The following GLI3 variants were observed in gnomAD, a reference collection of about 807,000 sequenced individuals.
GLI3 encodes GLI family zinc finger 3.
GLI3 carries 20 observed loss-of-function variants against 100.8 expected under a neutral mutation model. The ratio of observed to expected loss-of-function variants is 0.20; its 90% CI spans 0.14 to 0.29. The LOEUF is 0.29. GLI3 is among the 10% of genes least tolerant of loss of function. GLI3 has a pLI of 1.00. For synonymous variants in GLI3, 938 were observed against 860.5 expected (o/e 1.09, Z -1.58); for missense variants, 2,040 against 2,128.5 (o/e 0.96, Z 0.82).
At chr7:42,225,030 C>A (rs1788557106) in intron 1 of GLI3, among the ~76,000 whole-genome samples, 1 of 152,330 alleles carries the variant, frequency 6.6e-6, no homozygotes, top group Middle Eastern at 3.4e-3. Flanking sequence ...TTCCAAGAAT[C>A]TGGACAGAGA....
At chr7:42,070,705 A>G (rs1784767512) in intron 4 of GLI3, among the ~76,000 whole-genome samples, 1 of 152,178 alleles carries the variant, frequency 6.6e-6, no homozygotes, top group Non-Finnish European at 1.5e-5. Context: ...ATGATTATAT[A>G]CTTTTTCATC....
chr7:42,232,260 C>T (rs372857337), intron 1 of GLI3, among the ~76,000 whole-genome samples: 4 of 152,226 alleles, frequency 2.6e-5, no homozygotes, highest in Admixed American at 6.5e-5. Context: ...CCAACACGGC[C>T]CTTAAGAAAG....
At chr7:42,190,605 A>G (rs903822055) in intron 2 of GLI3, among the ~76,000 whole-genome samples, 1 of 152,158 alleles carries the variant, frequency 6.6e-6, no homozygotes, top group Non-Finnish European at 1.5e-5. Context: ...TTATTCAAAC[A>G]CTCAAGGGGC....
At chr7:42,049,145 AAGAAC>A (rs1171501242) in intron 4 of GLI3, among the ~76,000 whole-genome samples, 2 of 152,244 alleles carry the variant, frequency 1.3e-5, no homozygotes, top group Non-Finnish European at 2.9e-5. Flanking sequence ...AGGGAAAGAA[AAGAAC>A]AGAACAGAAC....
At chr7:42,060,997 T>A (rs1784557704) in intron 4 of GLI3, among the ~76,000 whole-genome samples, 1 of 152,190 alleles carries the variant, frequency 6.6e-6, no homozygotes, top group Non-Finnish European at 1.5e-5. Context: ...CATGTTTGTA[T>A]CATTTACATG....
Position 41,967,703 on chromosome 7 carries a change from A to C in GLI3, c.2324T>G (p.Met775Arg), listed in dbSNP as rs2128706978. Residue 775 changes from methionine (M) to arginine (R), a missense_variant, in exon 14 of 15, where the codon ATG (methionine) becomes AGG (arginine). Met to Arg is a moderately conservative substitution (Grantham distance 91, BLOSUM62 -1). Around this residue, in one of 5 missense-constraint regions of GLI3, gnomAD observed 327 missense variants for 338.7 expected, o/e 0.97. Transcript: ENST00000395925. ...TAGCCTTTCTAGTTTTACGTGCTCC[A>C]TCCATTTGGTCCCTGCCGGGTTTCT... ...ARRNPAGTKW[M>R]EHVKLERLKQ... 1 of 1,614,188 alleles carries C rather than the reference A, an allele frequency of 6.2e-7. No individual in the cohort carries two copies. Among genetic ancestry groups the C allele is most frequent in the Non-Finnish European group, 8.5e-7 (1 of 1,180,036 alleles).
rs1372725860 is a variant in GLI3, at chr7:42,138,642, C to A, written c.367+9584G>T. Among the ~76,000 whole-genome samples the A allele has an allele frequency of 2.6e-5, 4 of 152,204 alleles. No individual in the cohort carries two copies. The East Asian group carries it at 7.7e-4, about 29-fold the overall frequency. On this transcript the variant is annotated intron_variant, in intron 3 of 14. Transcript: ENST00000395925. Reference sequence around the variant, plus strand: ...GGGGAAGGGAAAGGAAATGTGAAATCTTGCCCCATTTGAAAACAGGCTTAT... The same window carrying A: ...GGGGAAGGGAAAGGAAATGTGAAATATTGCCCCATTTGAAAACAGGCTTAT...
At chr7:42,225,356 T>C (rs1420131271) in intron 1 of GLI3, among the ~76,000 whole-genome samples, 3 of 152,142 alleles carry the variant, frequency 2.0e-5, no homozygotes, top group African/African-American at 7.2e-5. Context: ...TTTGTTTTTG[T>C]TTTTTCGGTT....
At chr7:42,103,005 G>T (rs1210594272) in intron 3 of GLI3, among the ~76,000 whole-genome samples, 1 of 152,202 alleles carries the variant, frequency 6.6e-6, no homozygotes, top group African/African-American at 2.4e-5. Context: ...TGAAAATAGT[G>T]AACATGTACT....
At chr7:41,977,363 T>G (rs1019857493) in intron 12 of GLI3, among the ~76,000 whole-genome samples, 195 bp downstream of exon 12, 1 of 152,192 alleles carries the variant, frequency 6.6e-6, no homozygotes, top group Non-Finnish European at 1.5e-5. Context: ...CCTCATCTCT[T>G]ATTATTCTCC....
chr7:42,131,531 C>T lies in GLI3; in HGVS notation c.367+16695G>A, dbSNP rs910079574. 9.2e-5 allele frequency among the ~76,000 whole-genome samples: 14 copies of T among 152,190 alleles called. 1 individual carries two copies. Among genetic ancestry groups the T allele is most frequent in the Admixed American group, 8.5e-4 (13 of 15,286 alleles). Reference sequence around the variant, plus strand: ...ATCTTAACATTCTACTGGTTCAACACAGAGAATTTCCACAACCATAATGCT... The same window carrying T: ...ATCTTAACATTCTACTGGTTCAACATAGAGAATTTCCACAACCATAATGCT... On this transcript the variant is annotated intron_variant, in intron 3 of 14. Transcript: ENST00000395925.
At chr7:42,229,019 A>T (rs1788640779) in intron 1 of GLI3, among the ~76,000 whole-genome samples, 1 of 152,222 alleles carries the variant, frequency 6.6e-6, no homozygotes, top group Non-Finnish European at 1.5e-5. Context: ...TGGGAGCAGG[A>T]TTCCTTTATC....
intron 2 of GLI3, among the ~76,000 whole-genome samples, chr7:42,156,170 A>G (rs924346693): frequency 3.3e-5 from 5 of 152,228 alleles, no homozygotes; most frequent in Admixed American, 2.0e-4. Context: ...TAAACAAAAC[A>G]GTACCCTTGA....
chr7:42,076,673 G>A, intron 4 of GLI3, 79 bp downstream of exon 4: 1 of 867,662 alleles, frequency 1.2e-6, no homozygotes, highest in South Asian at 1.3e-5. Flanking sequence ...CAGTGGACAT[G>A]CCATTAACAA....
chr7:42,010,575 T>C (rs920510190), intron 10 of GLI3, among the ~76,000 whole-genome samples: 47 of 152,208 alleles, frequency 3.1e-4, no homozygotes, highest in African/African-American at 1.1e-3. Context: ...ATATTCGCTT[T>C]CAATGGTATC....
intron 2 of GLI3, among the ~76,000 whole-genome samples, chr7:42,154,936 A>C (rs1786964889): frequency 6.6e-6 from 1 of 152,152 alleles, no homozygotes; most frequent in Non-Finnish European, 1.5e-5. Context: ...TGACAGAGGG[A>C]GGGGCCCAGA....
intron 4 of GLI3, among the ~76,000 whole-genome samples, chr7:42,058,980 C>A (rs1784516037): frequency 6.6e-6 from 1 of 152,186 alleles, no homozygotes; most frequent in Non-Finnish European, 1.5e-5. Flanking sequence ...TCTTAATGAA[C>A]ATACTGCTGG....
At chr7:42,062,121 T>A (rs1438616122) in intron 4 of GLI3, among the ~76,000 whole-genome samples, 1 of 152,172 alleles carries the variant, frequency 6.6e-6, no homozygotes, top group Non-Finnish European at 1.5e-5. Context: ...AACAGCTTTT[T>A]GAGCCTCACT....
At chr7:42,250,766 G>T (rs79744695) in intron 1 of GLI3, among the ~76,000 whole-genome samples, 2 of 152,138 alleles carry the variant, frequency 1.3e-5, no homozygotes, top group East Asian at 1.9e-4. Context: ...AAAGGCGGGT[G>T]GGGGGGCTGC....
Sources: gnomAD v4.1 joint callset for allele counts (sites outside exome capture counted in the v4.1 genomes callset) on GRCh38, gnomAD v4.1.1 for gene constraint, gnomAD v4.1.1 regional missense constraint, MANE v1.5 for transcripts, NCBI Gene and HGNC (gene_info 2026-07-23, HGNC 2026-07-21) for gene names.